The following DMD variants were observed in gnomAD, a reference collection of about 807,000 sequenced individuals.
DMD encodes mutant dystrophin.
DMD carries 63 observed loss-of-function variants against 330.1 expected under a neutral mutation model. The ratio of observed to expected loss-of-function variants is 0.19; its 90% CI spans 0.16 to 0.24. The LOEUF (loss-of-function observed/expected upper bound fraction) is 0.24, where lower values mean the gene tolerates loss of function less well. DMD is among the 10% of genes least tolerant of loss of function. The probability of loss-of-function intolerance (pLI) is 1.00; values close to 1 mark genes in which losing one functional copy is unlikely to be tolerated. For missense variants in DMD, 3,344 were observed against 2,684.1 expected (o/e 1.25, Z -5.43); for synonymous variants, 1,223 against 959.8 (o/e 1.27, Z -5.07).
At chrX:32,575,098 A>G (rs2052883738) in intron 13 of DMD, among the ~76,000 whole-genome samples, 1 of 110,696 alleles carries the variant, frequency 9.0e-6, no homozygotes, top group East Asian at 2.8e-4. Flanking sequence ...GGGTTTCGCC[A>G]TCTTGGCCAG....
intron 11 of DMD, among the ~76,000 whole-genome samples, chrX:32,630,735 A>T (rs2058678601): frequency 1.8e-5 from 2 of 111,415 alleles, no homozygotes; most frequent in South Asian, 3.8e-4. Flanking sequence ...TCTCTGTACT[A>T]TCTTGGATTT....
intron 44 of DMD, among the ~76,000 whole-genome samples, chrX:32,142,197 G>A (rs1182554034): frequency 1.8e-5 from 2 of 111,173 alleles, no homozygotes; most frequent in African/African-American, 3.3e-5. Flanking sequence ...TAGAAGACAC[G>A]ATTGCAGAGG....
intron 11 of DMD, among the ~76,000 whole-genome samples, chrX:32,629,825 A>T (rs2058617366): frequency 9.1e-6 from 1 of 110,133 alleles, no homozygotes; most frequent in Admixed American, 9.7e-5. Context: ...GCTACACTTT[A>T]ACTTCATCCC....
intron 11 of DMD, among the ~76,000 whole-genome samples, chrX:32,631,671 C>A (rs949624182): frequency 9.0e-6 from 1 of 111,139 alleles, no homozygotes; most frequent in African/African-American, 3.3e-5. Flanking sequence ...TCATGTCACA[C>A]GGCCAGGGAA....
At chrX:32,624,722 T>C (rs1232101942) in intron 11 of DMD, among the ~76,000 whole-genome samples, 1 of 111,810 alleles carries the variant, frequency 8.9e-6, no homozygotes, top group African/African-American at 3.3e-5. Context: ...GAGTTGGCCT[T>C]TTTGTCATTT....
intron 33 of DMD, among the ~76,000 whole-genome samples, chrX:32,385,080 A>T (rs2097948919): frequency 9.0e-6 from 1 of 111,094 alleles, no homozygotes; most frequent in Non-Finnish European, 1.9e-5. Flanking sequence ...TGAACAACAA[A>T]AGACCCAGAA....
intron 1 of DMD, among the ~76,000 whole-genome samples, chrX:33,229,216 C>A (rs1018356327): frequency 9.0e-6 from 1 of 111,118 alleles, no homozygotes; most frequent in Non-Finnish European, 1.9e-5. Context: ...TTAACGAAGT[C>A]CAATTTATCA....
intron 62 of DMD, among the ~76,000 whole-genome samples, chrX:31,267,505 T>A (rs1359306185): frequency 8.9e-6 from 1 of 111,934 alleles, no homozygotes; most frequent in Non-Finnish European, 1.9e-5. Flanking sequence ...GTTATCAGTA[T>A]CACCTGCGAA....
At chrX:32,496,688 G>T (rs909395453) in intron 19 of DMD, among the ~76,000 whole-genome samples, 1 of 112,737 alleles carries the variant, frequency 8.9e-6, no homozygotes, top group East Asian at 2.8e-4. Flanking sequence ...GAGTTCACCC[G>T]TGCATGCACG....
rs1602590875 is a variant in DMD at position 33,007,877 on chromosome X, C to T, written c.93+12262G>A. 6.3e-5 allele frequency among the ~76,000 whole-genome samples: 7 copies of T among 111,643 alleles called. No homozygotes were observed. In the Admixed American group the frequency reaches 6.7e-4, roughly 11 times the overall value. On this transcript the variant is annotated intron_variant, in intron 2 of 78. Coordinates refer to ENST00000357033, the MANE Select transcript of DMD (RefSeq NM_004006.3). ...ATAACTGCAGGTAATTTTAATAGGA[C>T]TAGTTCCTATGAAAAGTACTCTCCG...
intron 63 of DMD, among the ~76,000 whole-genome samples, chrX:31,232,147 T>C (rs2047279342): frequency 9.6e-6 from 1 of 103,858 alleles, no homozygotes; most frequent in South Asian, 4.6e-4. Flanking sequence ...TAAGAATCCT[T>C]AGAAGGCCAA....
chrX:31,198,170 T>C (rs762782831), intron 67 of DMD, among the ~76,000 whole-genome samples: 1 of 111,071 alleles, frequency 9.0e-6, no homozygotes, highest in South Asian at 3.8e-4. Context: ...TATGATCTAG[T>C]GTTTGGTAGC....
intron 2 of DMD, among the ~76,000 whole-genome samples, chrX:32,973,965 A>C (rs1391965216): frequency 2.7e-5 from 3 of 111,704 alleles, no homozygotes; most frequent in Admixed American, 9.6e-5. Flanking sequence ...TTATGGGATA[A>C]AGAAACATAT....
chrX:33,171,119 C>A (rs2049318104), intron 1 of DMD, among the ~76,000 whole-genome samples: 1 of 110,942 alleles, frequency 9.0e-6, no homozygotes, highest in African/African-American at 3.3e-5. Context: ...ATAAGCTTAA[C>A]AACATATAAT....
At chrX:32,460,917 G>A (rs752117638) in intron 25 of DMD, among the ~76,000 whole-genome samples, 4 of 111,641 alleles carry the variant, frequency 3.6e-5, no homozygotes, top group African/African-American at 6.5e-5. Context: ...TATTATCTCC[G>A]TGAAGGTAAC....
chrX:33,086,967 A>T (rs916387682), intron 1 of DMD, among the ~76,000 whole-genome samples: 2 of 111,156 alleles, frequency 1.8e-5, no homozygotes, highest in African/African-American at 6.5e-5. Flanking sequence ...TTTATCCTCA[A>T]TTAGAAAAAT....
At chrX:32,248,208 C>T (rs778301567) in intron 43 of DMD, among the ~76,000 whole-genome samples, 2 of 111,359 alleles carry the variant, frequency 1.8e-5, no homozygotes. Context: ...TGTAAATGCT[C>T]AGGTACAGCC....
chrX:33,289,712 T>C (rs2053486036), intron 1 of DMD, among the ~76,000 whole-genome samples: 1 of 111,452 alleles, frequency 9.0e-6, no homozygotes. Context: ...TTCAAGTCTT[T>C]TATTTCCAAA....
At chrX:31,495,876 C>T (rs1377989549) in intron 57 of DMD, among the ~76,000 whole-genome samples, 3 of 111,562 alleles carry the variant, frequency 2.7e-5, no homozygotes, top group Non-Finnish European at 5.7e-5. Flanking sequence ...AGCAGTCTTG[C>T]CAAAAAAAGC....
Sources: allele counts gnomAD v4.1 joint callset (sites outside exome capture counted in the v4.1 genomes callset), GRCh38; gene constraint gnomAD v4.1.1; transcripts MANE v1.5; gene names NCBI Gene and HGNC (gene_info 2026-07-23, HGNC 2026-07-21).